JPH3: variants seen among roughly 807,000 people sequenced by gnomAD.
JPH3 encodes the protein junctophilin 3, also known as junctophilin-3.
A neutral mutation model predicts 59.6 loss-of-function variants in JPH3; 11 were observed. That is an observed-to-expected ratio of 0.18 (90% CI 0.12 to 0.31). The LOEUF (loss-of-function observed/expected upper bound fraction) is 0.31. Ranked by LOEUF, JPH3 falls within the 10% of genes least tolerant of loss-of-function variation. The pLI, the probability that JPH3 is intolerant of heterozygous loss-of-function variation, is 1.00. For synonymous variants in JPH3, 673 were observed against 483.6 expected (o/e 1.39, Z -5.14); for missense variants, 1,202 against 1,105.7 (o/e 1.09, Z -1.24).
chr16:87,681,990 CG>C (rs1158195988), intron 2 of JPH3, among the ~76,000 whole-genome samples: 5 of 152,058 alleles, frequency 3.3e-5, no homozygotes, highest in African/African-American at 7.2e-5. Flanking sequence ...CTGCTTGTGG[CG>C]GGGGGTCATG....
At chr16:87,664,055 G>A (rs995544185) in intron 2 of JPH3, among the ~76,000 whole-genome samples, 2 of 152,198 alleles carry the variant, frequency 1.3e-5, no homozygotes, top group Non-Finnish European at 2.9e-5. Flanking sequence ...TGGCCAGCTG[G>A]GCGCGGTGGC....
At chr16:87,609,084 T>C (rs1015610332) in intron 1 of JPH3, among the ~76,000 whole-genome samples, 11 of 152,156 alleles carry the variant, frequency 7.2e-5, no homozygotes, top group African/African-American at 2.7e-4. Flanking sequence ...GGTGCATGGA[T>C]TCCATGCTCC....
In JPH3 at chr16:87,616,190, T is replaced by TTTTGTG. The variant is rs3221600; in HGVS notation, c.382+12663_382+12664insTTGTGT. ...AGCAGAACAGCAACGCAATCTGGTT[T>TTTTGTG]TGTGTGTGTGTGTGTGTGTGTGTGT... On this transcript the variant is annotated intron_variant, in intron 1 of 4. Coordinates refer to ENST00000284262, the MANE Select transcript of JPH3 (RefSeq NM_020655.4). Among the ~76,000 whole-genome samples the TTTTGTG allele has an allele frequency of 9.4e-4, 109 of 116,018 alleles. 1 individual carries two copies. Among genetic ancestry groups the TTTTGTG allele is most frequent in the Middle Eastern group, 4.9e-3 (1 of 206 alleles). The allele number at this position is 116,018 out of a possible 152,430, so 76.1% of individuals were successfully genotyped here. A position where few individuals can be genotyped will look rare whatever the true frequency, so the allele number is the denominator to read the frequency against.
intron 2 of JPH3, among the ~76,000 whole-genome samples, chr16:87,659,878 C>A (rs866703970): frequency 2.6e-5 from 4 of 152,208 alleles, no homozygotes; most frequent in South Asian, 4.1e-4. Flanking sequence ...ACTAACTCCC[C>A]CTCCCAGGTT....
At chr16:87,653,067 T>TTGG (rs552314302) in intron 2 of JPH3, among the ~76,000 whole-genome samples, 47 of 150,392 alleles carry the variant, frequency 3.1e-4, no homozygotes, top group African/African-American at 8.8e-4. Flanking sequence ...AGTCAGTGCC[T>TTGG]GCGGGGGGGA....
chr16:87,639,844 C>A (rs566479385), intron 1 of JPH3, among the ~76,000 whole-genome samples: 1 of 152,360 alleles, frequency 6.6e-6, no homozygotes, highest in African/African-American at 2.4e-5. Flanking sequence ...CCCGGCTTTC[C>A]TTCCTTTTTA....
intron 2 of JPH3, among the ~76,000 whole-genome samples, chr16:87,660,076 A>T (rs1421881719): frequency 6.6e-6 from 1 of 152,060 alleles, no homozygotes; most frequent in Non-Finnish European, 1.5e-5. Flanking sequence ...AACCCTGGGA[A>T]AGCAGCGTCA....
At chr16:87,657,578 A>C (rs1251040020) in intron 2 of JPH3, among the ~76,000 whole-genome samples, 1 of 152,170 alleles carries the variant, frequency 6.6e-6, no homozygotes, top group Non-Finnish European at 1.5e-5. Context: ...CATATATAGA[A>C]AGGATGTTGT....
intron 2 of JPH3, among the ~76,000 whole-genome samples, chr16:87,652,975 T>G (rs1182743308): frequency 6.6e-6 from 1 of 152,156 alleles, no homozygotes; most frequent in African/African-American, 2.4e-5. Context: ...CTCAGGACTG[T>G]CCTGCGGGCA....
At chr16:87,632,347 A>G (rs1389991771) in intron 1 of JPH3, among the ~76,000 whole-genome samples, 1 of 152,210 alleles carries the variant, frequency 6.6e-6, no homozygotes, top group Non-Finnish European at 1.5e-5. Flanking sequence ...TTGTTGGCCT[A>G]GAAACTTTTC....
intron 3 of JPH3, among the ~76,000 whole-genome samples, chr16:87,686,447 T>C (rs1396531247): frequency 3.1e-5 from 4 of 130,830 alleles, no homozygotes; most frequent in South Asian, 4.7e-4. Flanking sequence ...TCAGAGGAGA[T>C]GCTTCCCAGA....
chr16:87,620,447 A>G (rs112866148), intron 1 of JPH3, among the ~76,000 whole-genome samples: 118 of 75,576 alleles, frequency 1.6e-3, no homozygotes, highest in East Asian at 0.013. Flanking sequence ...AGGGAGAGAG[A>G]GAGAGAAGGA....
At chr16:87,662,774 C>A (rs983207453) in intron 2 of JPH3, among the ~76,000 whole-genome samples, 2 of 152,220 alleles carry the variant, frequency 1.3e-5, no homozygotes, top group African/African-American at 4.8e-5. Flanking sequence ...TCAGCCCCCA[C>A]GCAGGGTTGC....
intron 2 of JPH3, among the ~76,000 whole-genome samples, chr16:87,679,396 C>G (rs776557961): frequency 6.6e-6 from 1 of 152,180 alleles, no homozygotes; most frequent in Non-Finnish European, 1.5e-5. Context: ...CAGCCTGGGT[C>G]AGGTCTGATG....
At chr16:87,603,679 G>A in intron 1 of JPH3, 151 bp downstream of exon 1, 1 of 1,023,476 alleles carries the variant, frequency 9.8e-7, no homozygotes, top group Non-Finnish European at 1.4e-6. Context: ...AGCCACGGCG[G>A]CTCCTGGCTA....
intron 1 of JPH3, chr16:87,604,080 C>T: frequency 7.1e-6 from 7 of 985,436 alleles, no homozygotes; most frequent in Non-Finnish European, 8.4e-6. Context: ...CCAGGCAGTA[C>T]ACTTCTAGGT....
At chr16:87,669,576 C>T (rs577349368) in intron 2 of JPH3, among the ~76,000 whole-genome samples, 24 of 152,280 alleles carry the variant, frequency 1.6e-4, no homozygotes, top group Admixed American at 1.2e-3. Context: ...GGAGTGCAGA[C>T]GTGGGTCAGT....
At chr16:87,677,526 T>TC (rs1567610933) in intron 2 of JPH3, among the ~76,000 whole-genome samples, 1 of 152,250 alleles carries the variant, frequency 6.6e-6, no homozygotes, top group Non-Finnish European at 1.5e-5. Flanking sequence ...TTGCAGGGGT[T>TC]CTACAAGGGT....
At chr16:87,674,778 T>G (rs1349861037) in intron 2 of JPH3, among the ~76,000 whole-genome samples, 1 of 152,218 alleles carries the variant, frequency 6.6e-6, no homozygotes, top group Non-Finnish European at 1.5e-5. Context: ...TTATTTATTT[T>G]GAGATGGAGT....
Sources: allele counts gnomAD v4.1 joint callset (sites outside exome capture counted in the v4.1 genomes callset), GRCh38; gene constraint gnomAD v4.1.1; transcripts MANE v1.5; gene names NCBI Gene and HGNC (gene_info 2026-07-23, HGNC 2026-07-21).